The following AIG1 variants were observed in gnomAD, a reference collection of about 807,000 sequenced individuals.
The protein encoded by AIG1 is androgen-induced gene 1 protein.
AIG1 carries 23 observed loss-of-function variants against 31.4 expected under a neutral mutation model. The ratio of observed to expected loss-of-function variants is 0.73; its 90% CI spans 0.53 to 1.04. The LOEUF (loss-of-function observed/expected upper bound fraction) is 1.04, where lower values mean the gene tolerates loss of function less well. AIG1 is among the 50% of genes least tolerant of loss of function. The pLI, the probability that AIG1 is intolerant of heterozygous loss-of-function variation, is 0.00. For synonymous variants in AIG1, 100 were observed against 110.5 expected (o/e 0.90, Z 0.60); for missense variants, 274 against 295.0 (o/e 0.93, Z 0.52).
intron 2 of AIG1, among the ~76,000 whole-genome samples, chr6:143,142,996 G>A (rs147269332): frequency 9.4e-4 from 143 of 152,202 alleles, no homozygotes; most frequent in African/African-American, 3.3e-3. Flanking sequence ...AATTTAGATA[G>A]TCATAAACCT....
At chr6:143,130,578 G>A (rs910147306) in intron 1 of AIG1, among the ~76,000 whole-genome samples, 4 of 151,996 alleles carry the variant, frequency 2.6e-5, no homozygotes, top group Admixed American at 2.6e-4. Flanking sequence ...AATTAGCTGG[G>A]TGTGGTGGTG....
intron 1 of AIG1, among the ~76,000 whole-genome samples, chr6:143,072,427 A>G (rs1777374843): frequency 6.6e-6 from 1 of 151,964 alleles, no homozygotes; most frequent in African/African-American, 2.4e-5. Context: ...TTTCCTTTTT[A>G]TGGTTTATTG....
At chr6:143,263,266 C>A (rs1405535618) in intron 3 of AIG1, among the ~76,000 whole-genome samples, 1 of 128,082 alleles carries the variant, frequency 7.8e-6, no homozygotes, top group Non-Finnish European at 1.6e-5. Context: ...ATATCCTAGT[C>A]CTTTATTTGT....
chr6:143,086,662 A>G (rs563530319), intron 1 of AIG1, among the ~76,000 whole-genome samples: 11 of 151,524 alleles, frequency 7.3e-5, no homozygotes, highest in African/African-American at 1.5e-4. Context: ...ATCCCTTTGG[A>G]GATACAACTT....
rs1305271197 is a variant in AIG1, at chr6:143,338,224, CTG to C, written c.680-1412_680-1411del. 1 of 391,950 alleles carries C rather than the reference CTG, an allele frequency of 2.6e-6. No homozygotes were observed. The highest frequency in any genetic ancestry group is 2.1e-5 in the African/African-American group (1 of 48,494). The allele number at this position is 391,950 out of a possible 1,614,324, so 24.3% of individuals were successfully genotyped here. ...GACACATGTGCTGTTTGAGCTGAAT[CTG>C]TGCTGTTTTCTTCTTTCCGTGGTTA... On this transcript the variant is annotated intron_variant, in intron 5 of 5. Coordinates refer to ENST00000357847, the MANE Select transcript of AIG1 (RefSeq NM_016108.4). This position sits in a 1 kb window ranked among gnomAD's most constrained non-coding sequence, Gnocchi z 4.3.
chr6:143,304,179 A>C (rs1240744158), intron 4 of AIG1, among the ~76,000 whole-genome samples: 1 of 152,074 alleles, frequency 6.6e-6, no homozygotes, highest in African/African-American at 2.4e-5. Context: ...AAACAGGGAC[A>C]ATTTGACTTC....
downstream of AIG1, among the ~76,000 whole-genome samples, chr6:143,342,018 C>G (rs1777867043): frequency 6.6e-6 from 1 of 152,218 alleles, no homozygotes. Flanking sequence ...CTCCGCCTCC[C>G]TGGTTCAAAC....
intron 4 of AIG1, among the ~76,000 whole-genome samples, chr6:143,320,820 ATTTT>A (rs35582590): frequency 7.4e-6 from 1 of 134,434 alleles, no homozygotes. Context: ...AAGCGAGTAG[ATTTT>A]TTTTTTTTTT....
intron 1 of AIG1, among the ~76,000 whole-genome samples, chr6:143,103,525 T>TC (rs946967559): frequency 3.7e-5 from 5 of 134,326 alleles, no homozygotes; most frequent in African/African-American, 1.7e-4. Flanking sequence ...TTTTTTTTTT[T>TC]GAGACGGAGT....
intron 1 of AIG1, among the ~76,000 whole-genome samples, chr6:143,078,686 A>G (rs1165540434): frequency 1.3e-5 from 2 of 152,138 alleles, no homozygotes; most frequent in African/African-American, 4.8e-5. Flanking sequence ...ACACTTATTC[A>G]CTACCTTGAG....
At chr6:143,119,240 G>T (rs181920646) in intron 1 of AIG1, among the ~76,000 whole-genome samples, 1 of 152,112 alleles carries the variant, frequency 6.6e-6, no homozygotes, top group Non-Finnish European at 1.5e-5. Context: ...GTAGATTTTT[G>T]CCTATAAATG....
intron 5 of AIG1, chr6:143,335,148 G>T (rs1363668205): frequency 1.1e-5 from 15 of 1,377,312 alleles, no homozygotes; most frequent in Admixed American, 3.3e-5. Context: ...TACAAGAGGG[G>T]TCACAAACTG....
intron 2 of AIG1, among the ~76,000 whole-genome samples, chr6:143,156,805 AG>A (rs1785809714): frequency 6.6e-6 from 1 of 152,204 alleles, no homozygotes; most frequent in African/African-American, 2.4e-5. Flanking sequence ...AAATTGGGGC[AG>A]GGTCTTTATA....
intron 3 of AIG1, among the ~76,000 whole-genome samples, chr6:143,235,657 C>T (rs770144059): frequency 2.6e-5 from 4 of 152,078 alleles, no homozygotes; most frequent in Non-Finnish European, 5.9e-5. Flanking sequence ...TGGCTGAGGC[C>T]CCTATAACAA....
intron 3 of AIG1, among the ~76,000 whole-genome samples, chr6:143,227,432 C>T (rs909738516): frequency 6.6e-6 from 1 of 152,050 alleles, no homozygotes; most frequent in Non-Finnish European, 1.5e-5. Flanking sequence ...AGGAAGACTT[C>T]GGAAAGCACT....
At chr6:143,282,295 G>A (rs190486290) in intron 3 of AIG1, among the ~76,000 whole-genome samples, 1 of 152,254 alleles carries the variant, frequency 6.6e-6, no homozygotes, top group East Asian at 1.9e-4. Flanking sequence ...ATTATCATCA[G>A]TGTAAAGGTT....
upstream of AIG1, chr6:143,060,876 C>T (rs775894817): frequency 1.8e-5 from 23 of 1,299,000 alleles, no homozygotes; most frequent in African/African-American, 1.4e-4. Flanking sequence ...CCGGCGCCTC[C>T]CTCACGCCCG....
intron 3 of AIG1, among the ~76,000 whole-genome samples, chr6:143,273,943 G>C (rs1796717137): frequency 1.3e-5 from 2 of 152,094 alleles, no homozygotes; most frequent in Non-Finnish European, 2.9e-5. Context: ...ACACAAGAAA[G>C]GTAGCACAAA....
chr6:143,182,023 C>CTT (rs1433888345), intron 3 of AIG1, among the ~76,000 whole-genome samples: 1 of 149,184 alleles, frequency 6.7e-6, no homozygotes, highest in South Asian at 2.1e-4. Context: ...CTTTTTTTTT[C>CTT]TTTTTTTTCT....
Sources: gnomAD v4.1 joint callset for allele counts (sites outside exome capture counted in the v4.1 genomes callset) on GRCh38, gnomAD v4.1.1 for gene constraint, Gnocchi (gnomAD v3.1) non-coding constraint, MANE v1.5 for transcripts, NCBI Gene and HGNC (gene_info 2026-07-23, HGNC 2026-07-21) for gene names.